Variants in DPP6 observed in about 807,000 individuals in gnomAD.
DPP6 encodes A-type potassium channel modulatory protein DPP6.
In DPP6, 69 loss-of-function variants were observed where a neutral mutation model predicts 122.6. The ratio of observed to expected loss-of-function variants is 0.56; its 90% CI spans 0.46 to 0.69. The LOEUF (loss-of-function observed/expected upper bound fraction) is 0.69. DPP6 is among the 30% of genes least tolerant of loss of function. DPP6 has a pLI of 0.00. For missense variants in DPP6, 928 were observed against 1,116.9 expected (o/e 0.83, Z 2.41); for synonymous variants, 418 against 433.1 (o/e 0.97, Z 0.43).
At chr7:154,652,411 T>G (rs1836934979) in intron 6 of DPP6, among the ~76,000 whole-genome samples, 1 of 151,408 alleles carries the variant, frequency 6.6e-6, no homozygotes, top group Non-Finnish European at 1.5e-5. Context: ...TGTGGTTTTT[T>G]TTTTTTTTTG....
intron 1 of DPP6, among the ~76,000 whole-genome samples, chr7:154,445,842 G>A (rs1819820856): frequency 6.6e-6 from 1 of 152,096 alleles, no homozygotes; most frequent in Non-Finnish European, 1.5e-5. Context: ...TAGTTGGGTT[G>A]GATTCAATGA....
Position 154,744,410 on chromosome 7 carries a change from C to T in DPP6, c.883+16523C>T, listed in dbSNP as rs78173012. ...ACTAAAGGAACGGGAAGGGACACTG[C>T]CACCTGGCGGCCAGCCGAGGCATGT... On this transcript the variant is annotated intron_variant, in intron 8 of 25. Coordinates refer to ENST00000377770, the MANE Select transcript of DPP6 (RefSeq NM_130797.4). Among the ~76,000 whole-genome samples, 206 of 152,356 alleles carry T rather than the reference C, an allele frequency of 1.4e-3. 5 individuals carry two copies. In the East Asian group the frequency reaches 0.037, roughly 27 times the overall value.
intron 1 of DPP6, among the ~76,000 whole-genome samples, chr7:153,936,671 C>T (rs916704475): frequency 1.1e-4 from 17 of 151,688 alleles, no homozygotes; most frequent in Admixed American, 6.6e-4. Context: ...ATTAGCTGGG[C>T]GGGGTGGTGG....
intron 1 of DPP6, among the ~76,000 whole-genome samples, chr7:153,900,901 G>T (rs1334856615): frequency 6.6e-6 from 1 of 152,166 alleles, no homozygotes; most frequent in African/African-American, 2.4e-5. Flanking sequence ...TTTTAAATTT[G>T]ATTCACTGTA....
chr7:154,183,387 G>A (rs763226817), intron 1 of DPP6, among the ~76,000 whole-genome samples: 9 of 152,208 alleles, frequency 5.9e-5, no homozygotes, highest in Non-Finnish European at 1.3e-4. Flanking sequence ...GTGCCTGGGT[G>A]AGTTGAAGTA....
chr7:154,460,417 A>G (rs1248872502), intron 2 of DPP6, among the ~76,000 whole-genome samples: 1 of 152,178 alleles, frequency 6.6e-6, no homozygotes, highest in Non-Finnish European at 1.5e-5. Context: ...CTATAATGCT[A>G]TTTCAAGTCC....
rs59405863 is a variant in DPP6 at position 154,233,409 on chromosome 7, G to A, written c.243+180346G>A. ...TAGGTGTGTTATGTGTGGGTTAAAT[G>A]GTGCCCACCCGAAATTCATATGTTG... On this transcript the variant is annotated intron_variant, in intron 1 of 25. Coordinates refer to ENST00000377770, the MANE Select transcript of DPP6 (RefSeq NM_130797.4). Among the ~76,000 whole-genome samples, 1,375 of 152,308 alleles carry A rather than the reference G, an allele frequency of 9.0e-3. 27 individuals carry two copies. Among genetic ancestry groups the A allele is most frequent in the African/African-American group, 0.031 (1,308 of 41,568 alleles).
chr7:154,177,796 C>T lies in DPP6; in HGVS notation c.243+124733C>T, dbSNP rs561507826. On this transcript the variant is annotated intron_variant, in intron 1 of 25. Transcript: ENST00000377770. ...TAGGAGTAATACGGTACTTTGATAG[C>T]GCACTAATGCACAGCATTGGCAGAA... 1.3e-3 allele frequency among the ~76,000 whole-genome samples: 193 copies of T among 152,268 alleles called. 1 individual carries two copies. Among genetic ancestry groups the T allele is most frequent in the African/African-American group, 4.3e-3 (178 of 41,538 alleles).
Position 154,403,349 on chromosome 7 carries a change from A to T in DPP6, c.244-42865A>T, listed in dbSNP as rs978706890. On this transcript the variant is annotated intron_variant, in intron 1 of 25. Transcript: ENST00000377770. The surrounding 1 kb of genome is among the most constrained non-coding windows in gnomAD (Gnocchi z 4.1). ...CTGTCCAAATGCCAAGTGGCGATTC[A>T]GGTACCTTAGGAGGAAAAGGGACAT... Among the ~76,000 whole-genome samples the T allele has an allele frequency of 6.6e-6, 1 of 152,220 alleles. No homozygotes were observed. The highest frequency in any genetic ancestry group is 2.4e-5 in the African/African-American group (1 of 41,466).
chr7:154,010,331 G>A (rs191175934), intron 1 of DPP6, among the ~76,000 whole-genome samples: 3 of 152,188 alleles, frequency 2.0e-5, no homozygotes, highest in Admixed American at 1.3e-4. Flanking sequence ...CACATACAAC[G>A]GAAGCCCAGA....
chr7:154,078,004 C>CT (rs566743016), intron 1 of DPP6, among the ~76,000 whole-genome samples: 69 of 152,306 alleles, frequency 4.5e-4, no homozygotes, highest in Non-Finnish European at 9.0e-4. Flanking sequence ...GTTATTATTT[C>CT]TTTCACAAAA....
rs1201439901 is a variant in DPP6, at chr7:154,618,661, A to T, written c.628-19160A>T. On this transcript the variant is annotated intron_variant, in intron 5 of 25. Transcript: ENST00000377770. This position sits in a 1 kb window ranked among gnomAD's most constrained non-coding sequence, Gnocchi z 4.1. The stretch of plus-strand genomic sequence containing the variant: ...CCACAGCCCAGCTTCCACCCTCCTG[A>T]TGGGGACCATATCCATGTGCTGCTC... 6.6e-6 allele frequency among the ~76,000 whole-genome samples: 1 copy of T among 152,168 alleles called. No homozygotes were observed. The highest frequency in any genetic ancestry group is 1.5e-5 in the Non-Finnish European group (1 of 68,018).
chr7:154,528,554 C>T (rs559695408), intron 3 of DPP6, among the ~76,000 whole-genome samples: 2 of 152,222 alleles, frequency 1.3e-5, no homozygotes, highest in East Asian at 3.9e-4. Flanking sequence ...GGCTCAATTC[C>T]TCATACATAT....
chr7:154,233,531 T>G (rs1801030586), intron 1 of DPP6, among the ~76,000 whole-genome samples: 1 of 152,186 alleles, frequency 6.6e-6, no homozygotes, highest in Admixed American at 6.5e-5. Context: ...CTAATATGAC[T>G]GGTGTCCTTA....
chr7:153,866,461 G>T, the DPP6 span, among the ~76,000 whole-genome samples: 1 of 152,200 alleles, frequency 6.6e-6, no homozygotes, highest in Non-Finnish European at 1.5e-5. Flanking sequence ...CTCTTGAGAA[G>T]TGTCTGTTCA....
chr7:154,058,683 T>A (rs1158431052), intron 1 of DPP6: 4 of 147,918 alleles, frequency 2.7e-5, no homozygotes, highest in Admixed American at 2.0e-4. Context: ...GGGTGGTAGG[T>A]GTCCAAGTAG....
rs147400620 is a variant in DPP6, at chr7:154,223,461, G to A, written c.243+170398G>A. Among the ~76,000 whole-genome samples, 191 of 149,438 alleles carry A rather than the reference G, an allele frequency of 1.3e-3. 25 individuals carry two copies. Among genetic ancestry groups the A allele is most frequent in the African/African-American group, 4.6e-3 (179 of 39,300 alleles). On this transcript the variant is annotated intron_variant, in intron 1 of 25. Coordinates refer to ENST00000377770, the MANE Select transcript of DPP6 (RefSeq NM_130797.4). The stretch of plus-strand genomic sequence containing the variant: ...ACATAAGCAAATGTAAAAATGTAAT[G>A]GGGACACACTCTCTGAAACCTAGGA...
At chr7:153,762,320 AAAC>A in the DPP6 span, among the ~76,000 whole-genome samples, 1 of 151,992 alleles carries the variant, frequency 6.6e-6, no homozygotes, top group Non-Finnish European at 1.5e-5. Context: ...GAAAAAATAA[AAAC>A]AATAAAGCAA....
chr7:154,045,905 G>A (rs943329597), intron 1 of DPP6, among the ~76,000 whole-genome samples: 4 of 152,194 alleles, frequency 2.6e-5, no homozygotes, highest in African/African-American at 9.7e-5. Flanking sequence ...GTGCTCAGGT[G>A]TTAACTGAAT....
Sources: allele counts gnomAD v4.1 joint callset (sites outside exome capture counted in the v4.1 genomes callset), GRCh38; gene constraint gnomAD v4.1.1; non-coding constraint Gnocchi (gnomAD v3.1); transcripts MANE v1.5; gene names NCBI Gene and HGNC (gene_info 2026-07-23, HGNC 2026-07-21).